Variants in DUOX1 observed in about 807,000 individuals in gnomAD.
The protein encoded by DUOX1 is dual oxidase 1, also known as NADPH thyroid oxidase 1.
In DUOX1, 134 loss-of-function variants were observed where a neutral mutation model predicts 181.8. That is an observed-to-expected ratio of 0.74 (90% confidence interval 0.64 to 0.85). DUOX1 has a LOEUF of 0.85. Among genes scored for constraint, DUOX1 ranks in the 40% least tolerant of loss-of-function variants. The pLI, the probability that DUOX1 is intolerant of heterozygous loss-of-function variation, is 0.00. For synonymous variants in DUOX1, 798 were observed against 832.5 expected, an observed-to-expected ratio of 0.96 and a Z score of 0.71; for missense variants, 1,814 against 2,064.4, an observed-to-expected ratio of 0.88 and a Z score of 2.35.
chr15:45,144,330 A>G, intron 17 of DUOX1, 95 bp downstream of exon 17: 1 of 1,342,474 alleles, frequency 7.4e-7, no homozygotes, highest in Non-Finnish European at 1.0e-6. Flanking sequence ...GAGGCAGGAA[A>G]TGATAGTTAC....
rs111482565 is a variant in DUOX1, at chr15:45,141,014, A to G, written c.1509A>G (p.Glu503=). 2.5e-6 allele frequency: 4 copies of G among 1,614,162 alleles called. No individual in the cohort carries two copies. The highest frequency in any genetic ancestry group is 3.4e-6 in the Non-Finnish European group (4 of 1,180,022). Residue 503 remains glutamate, a synonymous_variant, in exon 13 of 34, where the codon GAA becomes GAG. Coordinates refer to ENST00000389037, the MANE Select transcript of DUOX1 (RefSeq NM_175940.3). ...CTCTGTTCAGCACCATCGTCCTTGA[A>G]CAATTTGTGCGGCTACGGGATGGTG... ...PGPLFSTIVL[E]QFVRLRDGDR...
intron 28 of DUOX1, 30 bp from the exon 29 acceptor site, chr15:45,160,807 G>A: frequency 6.3e-7 from 1 of 1,580,540 alleles, no homozygotes; most frequent in Non-Finnish European, 8.6e-7. Context: ...GGCATCGCTA[G>A]GTCTGAGCAG....
Position 45,136,428 on chromosome 15 carries a change from G to A in DUOX1, c.925+18G>A, listed in dbSNP as rs1421419704. The A allele has an allele frequency of 1.3e-5, 21 of 1,614,172 alleles. No individual in the cohort carries two copies. The highest frequency in any genetic ancestry group is 1.7e-5 in the Non-Finnish European group (20 of 1,180,032). The stretch of plus-strand genomic sequence containing the variant: ...GTATACAGGTGAGGGAGCGGGGAAG[G>A]AGGATGGGAGGGCTTGCGTGTGTCT... On this transcript the variant is annotated intron_variant, in intron 8 of 33. Transcript: ENST00000389037.
At chr15:45,158,793 G>A (rs1186793429) in intron 28 of DUOX1, among the ~76,000 whole-genome samples, 2 of 149,836 alleles carry the variant, frequency 1.3e-5, no homozygotes, top group Non-Finnish European at 3.0e-5. Flanking sequence ...CCCAGCAGCA[G>A]AAGGGGAGAC....
At position 45,140,959 on chromosome 15, in the gene DUOX1, G is replaced by T. The variant is rs772380394; in HGVS notation, c.1454G>T (p.Gly485Val). The T allele has an allele frequency of 1.9e-6, 3 of 1,614,158 alleles. No homozygotes were observed. Among genetic ancestry groups the T allele is most frequent in the Admixed American group, 1.7e-5 (1 of 60,028 alleles). The change falls in exon 13 of 34, where the codon GGA becomes GTA. Residue 485 changes from glycine (G) to valine (V), a missense_variant. Coordinates refer to ENST00000389037, the MANE Select transcript of DUOX1 (RefSeq NM_175940.3). ...TCCTGGCTAGAGCTGCTCCCTGGGG[G>T]ACTCCTGGAGAGCCACCGGGACCCT... is the stretch of plus-strand genomic sequence containing the variant. The part of the protein sequence containing the change: ...DLSWLELLPG[G>V]LLESHRDPGP...
Position 45,139,900 on chromosome 15 carries a change from T to C in DUOX1, c.1389+301T>C, listed in dbSNP as rs1425431430. 5 of 590,724 alleles carry C rather than the reference T, an allele frequency of 8.5e-6. No individual in the cohort carries two copies. The East Asian group carries it at 1.8e-4, about 21-fold the overall frequency. The allele number at this position is 590,724 out of a possible 1,614,324, so 36.6% of individuals were successfully genotyped here. A position where few individuals can be genotyped will look rare whatever the true frequency, so the allele number is the denominator to read the frequency against. On this transcript the variant is annotated intron_variant, in intron 12 of 33. Transcript: ENST00000389037. ...TTCTCTCCACCCTCCTGAGTGGGTA[T>C]AGAAGGTCCTTGACTTAGGAACAAT...
chr15:45,141,938 C>T, intron 14 of DUOX1, 37 bp from the exon 15 acceptor site: 1 of 1,587,682 alleles, frequency 6.3e-7, no homozygotes, highest in Non-Finnish European at 8.6e-7. Flanking sequence ...CACCTGTGGC[C>T]CAGCACCCAG....
chr15:45,141,856 C>T (rs1296456608), intron 14 of DUOX1, 119 bp from the exon 15 acceptor site: 3 of 1,188,028 alleles, frequency 2.5e-6, no homozygotes, highest in East Asian at 2.4e-5. Context: ...AAGGCAGCCC[C>T]TTCCCCTCAG....
intron 2 of DUOX1, among the ~76,000 whole-genome samples, chr15:45,132,939 G>A (rs926646873): frequency 1.3e-5 from 2 of 152,114 alleles, no homozygotes; most frequent in African/African-American, 4.8e-5. Context: ...CAAACATCAG[G>A]CCCTGAGTCA....
chr15:45,134,177 T>C lies in DUOX1; in HGVS notation c.175T>C (p.Tyr59His). 3 of 1,558,020 alleles carry C rather than the reference T, an allele frequency of 1.9e-6. No individual in the cohort carries two copies. The highest frequency in any genetic ancestry group is 2.6e-6 in the Non-Finnish European group (3 of 1,156,892). ...SRLQRLVPASYADGVYQPLGE... is the reference protein window; with the variant it reads ...SRLQRLVPASHADGVYQPLGE... ...GCTGCAGCGCCTGGTCCCAGCCAGC[T>C]ATGCAGATGGCGTGTACCAGCCCTT... is the stretch of plus-strand genomic sequence containing the variant. The change falls in exon 4 of 34, where the codon TAT becomes CAT. Residue 59 changes from tyrosine to histidine, a missense_variant. Physicochemically the swap from Tyr to His is moderately conservative, Grantham distance 83. Around this residue, in one of 5 missense-constraint regions of DUOX1, gnomAD observed 320 missense variants for 313.1 expected, o/e 1.02. Coordinates refer to ENST00000389037, the MANE Select transcript of DUOX1 (RefSeq NM_175940.3).
In DUOX1 at chr15:45,133,599, C is replaced by T. The variant is rs149993830; in HGVS notation, c.59-265C>T. Among the ~76,000 whole-genome samples the T allele has an allele frequency of 9.9e-5, 15 of 152,280 alleles. No homozygotes were observed. The East Asian group carries it at 2.3e-3, about 24-fold the overall frequency. ...CCAGCCCCCTCTCCCTCTCTGAGGC[C>T]GTCTGTCAGCACACTCTGCTCCCTG... On this transcript the variant is annotated intron_variant, in intron 2 of 33. Coordinates refer to ENST00000389037, the MANE Select transcript of DUOX1 (RefSeq NM_175940.3).
At chr15:45,135,008 T>C (rs894814784) in intron 4 of DUOX1, 96 bp from the exon 5 acceptor site, 8 of 1,462,884 alleles carry the variant, frequency 5.5e-6, no homozygotes, top group Non-Finnish European at 5.6e-6. Flanking sequence ...GCTGAGTCTT[T>C]TGAAGCTTCA....
intron 9 of DUOX1, among the ~76,000 whole-genome samples, chr15:45,136,939 C>A (rs1190935398): frequency 6.6e-6 from 1 of 152,042 alleles, no homozygotes; most frequent in Non-Finnish European, 1.5e-5. Flanking sequence ...ACACTGGGGA[C>A]ATTTTTAGCT....
intron 33 of DUOX1, 148 bp from the exon 34 acceptor site, chr15:45,164,631 G>C: frequency 1.2e-6 from 1 of 842,968 alleles, no homozygotes. Context: ...ACTATGCCTG[G>C]CTAATTAAAA....
At chr15:45,138,078 A>ATGTATG in intron 10 of DUOX1, 64 bp downstream of exon 10, 5 of 547,326 alleles carry the variant, frequency 9.1e-6, no homozygotes, top group Non-Finnish European at 1.5e-5. Context: ...GTGTGTGTGT[A>ATGTATG]TGTGTGTGTG....
chr15:45,153,600 GACTGTC>G, intron 26 of DUOX1, 121 bp downstream of exon 26: 1 of 1,066,532 alleles, frequency 9.4e-7, no homozygotes, highest in South Asian at 1.3e-5. Flanking sequence ...CTCCAGAGGA[GACTGTC>G]ACCTTCTAGG....
intron 27 of DUOX1, among the ~76,000 whole-genome samples, 200 bp downstream of exon 27, chr15:45,154,200 A>C (rs546833604): frequency 2.0e-5 from 3 of 152,104 alleles, no homozygotes; most frequent in Non-Finnish European, 4.4e-5. Flanking sequence ...CAGGAGCTCA[A>C]CTGGGTTCCT....
intron 33 of DUOX1, 147 bp downstream of exon 33, chr15:45,164,065 T>G: frequency 7.8e-7 from 1 of 1,283,098 alleles, no homozygotes. Context: ...ATGGAAAGGA[T>G]AGGTGGGTGT....
chr15:45,132,951 T>C (rs1315201871), intron 2 of DUOX1, among the ~76,000 whole-genome samples: 1 of 152,150 alleles, frequency 6.6e-6, no homozygotes, highest in African/African-American at 2.4e-5. Flanking sequence ...CCTGAGTCAT[T>C]TTCCCCCCTG....
Sources: gnomAD v4.1 joint callset for allele counts (sites outside exome capture counted in the v4.1 genomes callset) on GRCh38, gnomAD v4.1.1 for gene constraint, gnomAD v4.1.1 regional missense constraint, MANE v1.5 for transcripts, NCBI Gene and HGNC (gene_info 2026-07-23, HGNC 2026-07-21) for gene names.